MPRIP: variants seen among roughly 807,000 people sequenced by gnomAD.
MPRIP encodes the protein myosin phosphatase Rho interacting protein.
MPRIP carries 59 observed loss-of-function variants against 234.9 expected under a neutral mutation model. The ratio of observed to expected loss-of-function variants is 0.25; its 90% CI spans 0.20 to 0.31. MPRIP has a LOEUF of 0.31. Among genes scored for constraint, MPRIP ranks in the 10% least tolerant of loss-of-function variants. The pLI is 1.00. For synonymous variants in MPRIP, 1,144 were observed against 1,263.9 expected (o/e 0.91, Z 2.01); for missense variants, 2,436 against 3,071.0 (o/e 0.79, Z 4.89).
intron 12 of MPRIP, among the ~76,000 whole-genome samples, chr17:17,153,285 C>T (rs573675115): frequency 9.2e-5 from 14 of 152,148 alleles, no homozygotes; most frequent in Non-Finnish European, 1.5e-4. Flanking sequence ...TAGCACCCAT[C>T]CGAAAACCAT....
At chr17:17,122,078 G>A (rs187718816) in intron 3 of MPRIP, among the ~76,000 whole-genome samples, 25 of 152,222 alleles carry the variant, frequency 1.6e-4, no homozygotes, top group Admixed American at 1.5e-3. Flanking sequence ...TGGGCATTCC[G>A]TGTCTTTGCT....
chr17:17,181,865 A>C (rs1316167712), intron 23 of MPRIP: 1 of 150,440 alleles, frequency 6.6e-6, no homozygotes, highest in African/African-American at 2.5e-5. Flanking sequence ...GGAACCAGCC[A>C]GAGCAGGGAT....
chr17:17,143,421 GT>G, intron 8 of MPRIP, 134 bp from the exon 9 acceptor site: 1 of 511,416 alleles, frequency 2.0e-6, no homozygotes, highest in Non-Finnish European at 3.4e-6. Flanking sequence ...ACTTGCTATG[GT>G]GGCTAGGCAG....
intron 3 of MPRIP, among the ~76,000 whole-genome samples, chr17:17,093,251 C>T (rs965810665): frequency 1.3e-5 from 2 of 152,308 alleles, no homozygotes; most frequent in Middle Eastern, 3.4e-3. Context: ...AAAGGATCTT[C>T]GCATAGTCCC....
At chr17:17,086,869 C>G (rs1230487526) in intron 3 of MPRIP, among the ~76,000 whole-genome samples, 2 of 152,148 alleles carry the variant, frequency 1.3e-5, no homozygotes, top group Non-Finnish European at 1.5e-5. Context: ...TGGATGTTCT[C>G]TGGAAACTGG....
At chr17:17,043,403 C>A (rs779407566) in intron 1 of MPRIP, among the ~76,000 whole-genome samples, 3 of 152,108 alleles carry the variant, frequency 2.0e-5, no homozygotes, top group African/African-American at 4.8e-5. Context: ...TGCCCCGATT[C>A]TGAATCATCG....
intron 17 of MPRIP, 110 bp from the exon 18 acceptor site, chr17:17,172,588 A>G: frequency 1.3e-6 from 1 of 767,948 alleles, no homozygotes; most frequent in East Asian, 2.6e-5. Flanking sequence ...TTGACTAAGC[A>G]AGCATCAGCA....
intron 1 of MPRIP, among the ~76,000 whole-genome samples, chr17:17,064,295 G>C (rs2088957135): frequency 6.6e-6 from 1 of 151,210 alleles, no homozygotes; most frequent in African/African-American, 2.4e-5. Flanking sequence ...TCCGCTTCCT[G>C]GGTTGAAGCG....
At chr17:17,122,663 A>G (rs548188757) in intron 3 of MPRIP, among the ~76,000 whole-genome samples, 2 of 152,302 alleles carry the variant, frequency 1.3e-5, no homozygotes, top group Admixed American at 6.5e-5. Flanking sequence ...AAAGGGAGCT[A>G]TTTTATAGCA....
intron 3 of MPRIP, among the ~76,000 whole-genome samples, chr17:17,104,373 A>C (rs2090022252): frequency 6.6e-6 from 1 of 152,174 alleles, no homozygotes; most frequent in Non-Finnish European, 1.5e-5. Context: ...GCCATGAGCG[A>C]GTTTTTGGTG....
chr17:17,113,442 A>G (rs1238187102), intron 3 of MPRIP, among the ~76,000 whole-genome samples: 1 of 152,224 alleles, frequency 6.6e-6, no homozygotes, highest in African/African-American at 2.4e-5. Context: ...AGTGTTTTCA[A>G]GATTCATCCA....
Position 17,187,709 on chromosome 17 carries a change from C to A in MPRIP, c.*2815C>A, listed in dbSNP as rs530821487. On this transcript the variant is annotated 3_prime_UTR_variant, in exon 24 of 24. Coordinates refer to ENST00000651222, the MANE Select transcript of MPRIP (RefSeq NM_001364716.4). The stretch of plus-strand genomic sequence containing the variant: ...TTTCCTTCCTGCAGGCATCCAAATA[C>A]CCTGGAAGGGATTTAACCCCTGAAT... 1 of 152,380 alleles carries A rather than the reference C, an allele frequency of 6.6e-6. No individual in the cohort carries two copies. Among genetic ancestry groups the A allele is most frequent in the African/African-American group, 2.4e-5 (1 of 41,576 alleles). The allele number at this position is 152,380 out of a possible 1,614,324, so 9.4% of individuals were successfully genotyped here.
intron 16 of MPRIP, 156 bp downstream of exon 16, chr17:17,168,071 C>A: frequency 1.8e-6 from 1 of 568,834 alleles, no homozygotes; most frequent in Non-Finnish European, 2.7e-6. Context: ...GGGCCTGGGC[C>A]GCAGGCTTAG....
At chr17:17,059,500 C>T (rs567393084) in intron 1 of MPRIP, among the ~76,000 whole-genome samples, 48 of 152,324 alleles carry the variant, frequency 3.2e-4, no homozygotes, top group African/African-American at 9.9e-4. Context: ...CAGGCTGCGC[C>T]GCTGCCTTGG....
intron 7 of MPRIP, among the ~76,000 whole-genome samples, chr17:17,140,732 G>A (rs1233102617): frequency 1.3e-5 from 2 of 152,206 alleles, no homozygotes; most frequent in African/African-American, 2.4e-5. Flanking sequence ...CAGACTTCCA[G>A]AGTGTTTCTT....
chr17:17,177,209 T>C lies in MPRIP; in HGVS notation c.6958-41T>C, dbSNP rs1268443018. ...AGGCCATGTTGTATGTGCTCCTCTT[T>C]CCTGGATGTAACTACCATTCTCTGT... On this transcript the variant is annotated intron_variant, in intron 21 of 23. Transcript: ENST00000651222. The C allele has an allele frequency of 1.9e-6, 3 of 1,592,466 alleles. No homozygotes were observed. The East Asian group carries it at 6.7e-5, about 36-fold the overall frequency.
intron 1 of MPRIP, among the ~76,000 whole-genome samples, chr17:17,075,206 C>CA (rs755922121): frequency 6.6e-5 from 10 of 152,136 alleles, no homozygotes; most frequent in Non-Finnish European, 1.0e-4. Flanking sequence ...AGTTTGAACT[C>CA]AAAGAGTTTC....
chr17:17,145,624 C>T (rs567496412), intron 9 of MPRIP, among the ~76,000 whole-genome samples: 1 of 152,376 alleles, frequency 6.6e-6, no homozygotes, highest in East Asian at 1.9e-4. Context: ...CCTGTGGCTT[C>T]TGCAAGAACT....
intron 23 of MPRIP, chr17:17,180,551 C>A: frequency 6.6e-7 from 1 of 1,519,854 alleles, no homozygotes. Flanking sequence ...GTGGGAGCGG[C>A]ACCGCGTGTG....
Sources: gnomAD v4.1 joint callset for allele counts (sites outside exome capture counted in the v4.1 genomes callset) on GRCh38, gnomAD v4.1.1 for gene constraint, MANE v1.5 for transcripts, NCBI Gene and HGNC (gene_info 2026-07-23, HGNC 2026-07-21) for gene names.